Variants in DNAJC2 observed in about 807,000 individuals in gnomAD.
DNAJC2 encodes DnaJ heat shock protein family (Hsp40) member C2.
In DNAJC2, 32 loss-of-function variants were observed where a neutral mutation model predicts 94.0. The ratio of observed to expected loss-of-function variants is 0.34; its 90% CI spans 0.26 to 0.46. DNAJC2 has a LOEUF of 0.46. Ranked by LOEUF, DNAJC2 falls within the 20% of genes least tolerant of loss-of-function variation. The pLI, the probability that DNAJC2 is intolerant of heterozygous loss-of-function variation, is 1.00. For synonymous variants in DNAJC2, 210 were observed against 229.7 expected (o/e 0.91, Z 0.77); for missense variants, 550 against 719.5 (o/e 0.76, Z 2.69).
chr7:103,321,884 T>G, intron 10 of DNAJC2, 48 bp downstream of exon 10: 4 of 1,557,694 alleles, frequency 2.6e-6, no homozygotes, highest in Non-Finnish European at 3.5e-6. Context: ...TTTTGCTTAA[T>G]AAGCAACTTG....
intron 3 of DNAJC2, among the ~76,000 whole-genome samples, chr7:103,332,691 G>A (rs1563470519): frequency 6.6e-6 from 1 of 151,916 alleles, no homozygotes; most frequent in African/African-American, 2.4e-5. Context: ...GTGCAGTGGT[G>A]TGATCACGGC....
intron 10 of DNAJC2, 95 bp from the exon 11 acceptor site, chr7:103,319,939 G>A (rs1206134004): frequency 6.6e-6 from 9 of 1,358,638 alleles, no homozygotes; most frequent in Non-Finnish European, 9.3e-6. Context: ...GGAGGCTGAG[G>A]CAGGAGAATC....
At chr7:103,334,777 AATT>A in intron 3 of DNAJC2, among the ~76,000 whole-genome samples, 1 of 151,948 alleles carries the variant, frequency 6.6e-6, no homozygotes, top group East Asian at 1.9e-4. Flanking sequence ...AGCATAATAA[AATT>A]ATTTATTTCA....
intron 15 of DNAJC2, among the ~76,000 whole-genome samples, chr7:103,315,167 A>G (rs973278869): frequency 8.8e-5 from 8 of 90,672 alleles, no homozygotes; most frequent in African/African-American, 2.4e-4. Context: ...TCAAACCCTA[A>G]CATTTTTTTT....
At chr7:103,324,707 C>A in intron 5 of DNAJC2, 145 bp from the exon 6 acceptor site, 1 of 828,904 alleles carries the variant, frequency 1.2e-6, no homozygotes, top group Non-Finnish European at 1.7e-6. Context: ...GAAGATGGAG[C>A]TGGAAGGTCA....
Position 103,316,035 on chromosome 7 carries a change from CT to C in DNAJC2, c.1480del (p.Arg494GlufsTer24), listed in dbSNP as rs1307461521. On this transcript the variant is annotated frameshift_variant, in exon 14 of 17. Coordinates refer to ENST00000379263, the MANE Select transcript of DNAJC2 (RefSeq NM_014377.3). LOFTEE classifies it high-confidence loss of function. ...TTTGCCAATAACATCTTTGGCAGTT[CT>C]TTTGACTCCAGAGGAAGAATGTATG... The part of the protein sequence containing the change: ...MNIHSSSGVK[R>X]TAKDVIGKAK... 6.2e-7 allele frequency: 1 copy of C among 1,603,440 alleles called. No homozygotes were observed. Among genetic ancestry groups the C allele is most frequent in the Non-Finnish European group, 8.5e-7 (1 of 1,175,164 alleles).
chr7:103,314,765 A>C (rs1817954209), intron 15 of DNAJC2: 1 of 519,864 alleles, frequency 1.9e-6, no homozygotes, highest in African/African-American at 2.1e-5. Context: ...CTTTAAGTTG[A>C]AATTTTGGGA....
chr7:103,327,450 GTGTTGCTGA>G, intron 4 of DNAJC2, 197 bp downstream of exon 4: 1 of 758,464 alleles, frequency 1.3e-6, no homozygotes, highest in Admixed American at 2.4e-5. Flanking sequence ...AAGCTGCCAG[GTGTTGCTGA>G]TGCTGCTGGC....
intron 3 of DNAJC2, chr7:103,328,841 C>T (rs1586096790): frequency 2.2e-5 from 7 of 321,140 alleles, no homozygotes; most frequent in Middle Eastern, 1.1e-3. Flanking sequence ...ACATTTGTGC[C>T]ATTTCCAATT....
rs1819385753 is a variant in DNAJC2 at position 103,341,893 on chromosome 7, T to C, written c.126A>G (p.Arg42=). 2 of 1,613,086 alleles carry C rather than the reference T, an allele frequency of 1.2e-6. No homozygotes were observed. The highest frequency in any genetic ancestry group is 1.7e-6 in the Non-Finnish European group (2 of 1,179,716). Residue 42 remains arginine (R), a synonymous_variant, in exon 2 of 17, where the codon AGA becomes AGG. Coordinates refer to ENST00000379263, the MANE Select transcript of DNAJC2 (RefSeq NM_014377.3). The part of the protein sequence containing the change: ...GRWFEAFVKR[R]NRNASASFQE... ...GAAAAGAGGCAGAAGCATTTCTGTT[T>C]CTCCTCTTAACAAAAGCTTCAAACC...
intron 3 of DNAJC2, chr7:103,335,526 C>CT (rs1201518150): frequency 6.6e-6 from 1 of 150,428 alleles, no homozygotes; most frequent in Non-Finnish European, 1.5e-5. Flanking sequence ...AATTTCTTTT[C>CT]TTTCTTTCTT....
intron 4 of DNAJC2, 148 bp from the exon 5 acceptor site, chr7:103,326,832 G>GT (rs1223430324): frequency 2.2e-5 from 16 of 713,736 alleles, no homozygotes; most frequent in Non-Finnish European, 3.5e-5. Context: ...TTTAATTTAG[G>GT]TAACAACAGC....
At chr7:103,329,832 T>C (rs1223560024) in intron 3 of DNAJC2, among the ~76,000 whole-genome samples, 1 of 152,202 alleles carries the variant, frequency 6.6e-6, no homozygotes, top group East Asian at 1.9e-4. Context: ...TCTAGTCACT[T>C]AACTCTCTTT....
intron 1 of DNAJC2, 87 bp downstream of exon 1, chr7:103,344,472 G>T (rs560533471): frequency 3.9e-4 from 585 of 1,485,570 alleles, no homozygotes; most frequent in Non-Finnish European, 5.3e-4. Context: ...CAGGGTCAAG[G>T]GTAGAGAGAG....
intron 9 of DNAJC2, 82 bp downstream of exon 9, chr7:103,322,429 T>G: frequency 7.7e-7 from 1 of 1,293,454 alleles, no homozygotes; most frequent in Non-Finnish European, 1.0e-6. Flanking sequence ...ATAGTTTTTT[T>G]TAAAAAAAGA....
chr7:103,316,531 A>G, intron 13 of DNAJC2: 1 of 288,702 alleles, frequency 3.5e-6, no homozygotes, highest in Non-Finnish European at 6.4e-6. Context: ...GAAAAACTAC[A>G]GAAAACCTAA....
rs1817847661 is a variant in DNAJC2 at position 103,313,096 on chromosome 7, A to G, written c.1642T>C (p.Tyr548His). The change falls in exon 16 of 17, where the codon TAT becomes CAT. Residue 548 changes from tyrosine to histidine, a missense_variant. Tyr to His is a moderately conservative substitution (Grantham distance 83, BLOSUM62 2). This residue lies in a region of DNAJC2 where 271 missense variants were observed against 302.6 expected (regional missense o/e 0.90). Coordinates refer to ENST00000379263, the MANE Select transcript of DNAJC2 (RefSeq NM_014377.3). ...GTTGTCCAAGGGGTGAAGTCTGTAT[A>G]TGGACCTGATTAAGAAAAATTTTTA... ...ATPSERFEGP[Y>H]TDFTPWTTEE... 2.5e-6 allele frequency: 4 copies of G among 1,597,550 alleles called. No individual in the cohort carries two copies. Among genetic ancestry groups the G allele is most frequent in the Admixed American group, 1.8e-5 (1 of 54,594 alleles).
At chr7:103,343,361 A>G (rs547126961) in intron 1 of DNAJC2, among the ~76,000 whole-genome samples, 4 of 152,368 alleles carry the variant, frequency 2.6e-5, no homozygotes, top group Admixed American at 2.0e-4. Context: ...TTAAGAATTC[A>G]CTAACAAGAA....
Position 103,312,435 on chromosome 7 carries a change from T to C in DNAJC2, c.*134A>G. ...TCTGAAGGTTGTTTTGTATTAATGG[T>C]CAGTCTTTGTTCTCTGAGAAATTAT... is the stretch of plus-strand genomic sequence containing the variant. On this transcript the variant is annotated 3_prime_UTR_variant, in exon 17 of 17. Transcript: ENST00000379263. 1 of 1,513,366 alleles carries C rather than the reference T, an allele frequency of 6.6e-7. No homozygotes were observed. The highest frequency in any genetic ancestry group is 8.8e-7 in the Non-Finnish European group (1 of 1,140,140). The allele number at this position is 1,513,366 out of a possible 1,614,324, so 93.7% of individuals were successfully genotyped here.
Sources: gnomAD v4.1 joint callset for allele counts (sites outside exome capture counted in the v4.1 genomes callset) on GRCh38, gnomAD v4.1.1 for gene constraint, gnomAD v4.1.1 regional missense constraint, MANE v1.5 for transcripts, NCBI Gene and HGNC (gene_info 2026-07-23, HGNC 2026-07-21) for gene names.